Variants in UST observed in about 807,000 individuals in gnomAD.
The protein encoded by UST is uronyl 2-sulfotransferase.
UST carries 21 observed loss-of-function variants against 45.6 expected under a neutral mutation model. The observed-to-expected ratio is 0.46, with a 90% CI of 0.33 to 0.66. The LOEUF (loss-of-function observed/expected upper bound fraction) is 0.66. Among genes scored for constraint, UST ranks in the 30% least tolerant of loss-of-function variants. UST has a pLI of 0.02. For missense variants in UST, 463 were observed against 512.4 expected (o/e 0.90, Z 0.93); for synonymous variants, 215 against 200.6 (o/e 1.07, Z -0.61).
Position 149,074,191 on chromosome 6 carries a change from G to A in UST, c.*75G>A. On this transcript the variant is annotated 3_prime_UTR_variant, in exon 8 of 8. Coordinates refer to ENST00000367463, the MANE Select transcript of UST (RefSeq NM_005715.3). Reference sequence around the variant, plus strand: ...TTGTTTGGGGAAGTAAAATCCTTAAGGGACTAAATTAATGCTTGGGTGCAT... The same window carrying A: ...TTGTTTGGGGAAGTAAAATCCTTAAAGGACTAAATTAATGCTTGGGTGCAT... The A allele has an allele frequency of 2.0e-6, 3 of 1,505,668 alleles. No homozygotes were observed. Among genetic ancestry groups the A allele is most frequent in the Middle Eastern group, 1.8e-4 (1 of 5,466 alleles). The allele number at this position is 1,505,668 out of a possible 1,614,324, so 93.3% of individuals were successfully genotyped here. A position where few individuals can be genotyped will look rare whatever the true frequency, so the allele number is the denominator to read the frequency against.
chr6:149,049,844 G>C lies in UST; in HGVS notation c.938-23989G>C, dbSNP rs73002448. On this transcript the variant is annotated intron_variant, in intron 7 of 7. Transcript: ENST00000367463. ...GATATCTAACCTCTTTTTGGCAACTGTCCTTTGGATTTCATCAGTTCACCT... is the reference window on the plus strand; with the variant it reads ...GATATCTAACCTCTTTTTGGCAACTCTCCTTTGGATTTCATCAGTTCACCT... Among the ~76,000 whole-genome samples, 882 of 151,634 alleles carry C rather than the reference G, an allele frequency of 5.8e-3. 8 individuals are homozygous for C. The highest frequency in any genetic ancestry group is 0.013 in the Admixed American group (196 of 15,206).
chr6:148,916,356 A>G (rs867997889), intron 2 of UST, among the ~76,000 whole-genome samples: 10 of 152,214 alleles, frequency 6.6e-5, no homozygotes, highest in Non-Finnish European at 1.2e-4. Context: ...ACCGTAACAC[A>G]TATCCTCCCG....
chr6:149,020,467 G>T (rs920316909), intron 6 of UST, among the ~76,000 whole-genome samples: 1 of 152,128 alleles, frequency 6.6e-6, no homozygotes, highest in African/African-American at 2.4e-5. Context: ...TTTTTAAATC[G>T]TGTAGTATTT....
rs537393766 is a variant in UST, at chr6:149,051,247, C to T, written c.938-22586C>T. On this transcript the variant is annotated intron_variant, in intron 7 of 7. Coordinates refer to ENST00000367463, the MANE Select transcript of UST (RefSeq NM_005715.3). ...TGCGATCTCAATTTCACAGCCATAT[C>T]GATGGAGAAACATCTGTGCTCAAGA... 2.8e-4 allele frequency among the ~76,000 whole-genome samples: 43 copies of T among 152,294 alleles called. 1 individual carries two copies. The South Asian group carries it at 7.7e-3, about 27-fold the overall frequency.
At chr6:148,961,936 C>G (rs1055660953) in intron 4 of UST, among the ~76,000 whole-genome samples, 8 of 152,272 alleles carry the variant, frequency 5.3e-5, no homozygotes, top group Non-Finnish European at 7.4e-5. Context: ...GTGCTATGCT[C>G]TGGTCCCTGA....
intron 1 of UST, among the ~76,000 whole-genome samples, chr6:148,803,916 C>G (rs571503115): frequency 6.6e-6 from 1 of 152,290 alleles, no homozygotes; most frequent in East Asian, 1.9e-4. Flanking sequence ...GAGAGTCTTC[C>G]CTGAGTTGCC....
intron 5 of UST, among the ~76,000 whole-genome samples, chr6:148,978,845 T>TA (rs1781074989): frequency 2.7e-5 from 4 of 150,828 alleles, no homozygotes; most frequent in East Asian, 2.0e-4. Flanking sequence ...AAAAATTTTT[T>TA]TAAAAAAAAA....
intron 7 of UST, among the ~76,000 whole-genome samples, chr6:149,058,345 A>ATGTGTGTG (rs56994081): frequency 5.1e-4 from 61 of 119,812 alleles, no homozygotes; most frequent in African/African-American, 1.6e-3. Flanking sequence ...AAGGAGGAGC[A>ATGTGTGTG]TGTGTGTGTG....
At position 148,856,008 on chromosome 6, in the gene UST, G is replaced by A. The variant is rs187098302; in HGVS notation, c.248-30978G>A. On this transcript the variant is annotated intron_variant, in intron 1 of 7. Coordinates refer to ENST00000367463, the MANE Select transcript of UST (RefSeq NM_005715.3). Reference sequence around the variant, plus strand: ...AAATTGCTTACAGCTGAAAAATATGGGGTTTTGTTTTGTTTTGTTTCGTTT... The same window carrying A: ...AAATTGCTTACAGCTGAAAAATATGAGGTTTTGTTTTGTTTTGTTTCGTTT... 1.3e-4 allele frequency among the ~76,000 whole-genome samples: 18 copies of A among 138,116 alleles called. No homozygotes were observed. In the Admixed American group the frequency reaches 1.3e-3, roughly 10 times the overall value. 90.6% of individuals were successfully genotyped at this position (138,116 alleles called of 152,430 possible).
At position 148,943,482 on chromosome 6, in the gene UST, T is replaced by C. The variant is rs545177865; in HGVS notation, c.447+2048T>C. Among the ~76,000 whole-genome samples, 5 of 152,328 alleles carry C rather than the reference T, an allele frequency of 3.3e-5. No homozygotes were observed. The East Asian group carries it at 5.8e-4, about 18-fold the overall frequency. On this transcript the variant is annotated intron_variant, in intron 3 of 7. Coordinates refer to ENST00000367463, the MANE Select transcript of UST (RefSeq NM_005715.3). Reference sequence around the variant, plus strand: ...AAAAAGTAAAATACACTTGTAACTATGAATGGAATAATTTAGAATAAAAAT... The same window carrying C: ...AAAAAGTAAAATACACTTGTAACTACGAATGGAATAATTTAGAATAAAAAT...
At chr6:148,752,609 A>C (rs1776010709) in intron 1 of UST, among the ~76,000 whole-genome samples, 1 of 152,230 alleles carries the variant, frequency 6.6e-6, no homozygotes, top group South Asian at 2.1e-4. Context: ...ACACATATAA[A>C]TGTGGATTAT....
chr6:148,943,100 C>T (rs1780161685), intron 3 of UST, among the ~76,000 whole-genome samples: 1 of 152,146 alleles, frequency 6.6e-6, no homozygotes, highest in Admixed American at 6.5e-5. Context: ...GCCTTTTTAA[C>T]TGCCTGAAAG....
intron 1 of UST, among the ~76,000 whole-genome samples, chr6:148,869,715 A>G (rs991158658): frequency 6.6e-6 from 1 of 152,216 alleles, no homozygotes; most frequent in East Asian, 1.9e-4. Flanking sequence ...GTTCACATGC[A>G]TGTCATTTTA....
intron 2 of UST, among the ~76,000 whole-genome samples, chr6:148,916,100 G>A (rs1481309034): frequency 6.6e-6 from 1 of 152,180 alleles, no homozygotes; most frequent in Non-Finnish European, 1.5e-5. Context: ...GTTTGTTTTG[G>A]CAGGAAATTT....
At chr6:149,062,739 T>C (rs1776671658) in intron 7 of UST, among the ~76,000 whole-genome samples, 2 of 152,238 alleles carry the variant, frequency 1.3e-5, no homozygotes, top group South Asian at 2.1e-4. Flanking sequence ...AAAGCCCACT[T>C]TCCAGTGCTT....
intron 5 of UST, among the ~76,000 whole-genome samples, chr6:148,968,013 C>T (rs1032704249): frequency 2.6e-5 from 4 of 152,210 alleles, no homozygotes; most frequent in Admixed American, 2.6e-4. Context: ...TCTCATTTTA[C>T]AGGTGTGGGA....
intron 2 of UST, among the ~76,000 whole-genome samples, chr6:148,887,473 G>C (rs892123913): frequency 6.6e-6 from 1 of 152,242 alleles, no homozygotes; most frequent in African/African-American, 2.4e-5. Context: ...ACCACCTCAA[G>C]GCTGCCCTGG....
intron 1 of UST, among the ~76,000 whole-genome samples, chr6:148,764,952 T>C (rs1196372201): frequency 6.6e-6 from 1 of 152,190 alleles, no homozygotes; most frequent in Non-Finnish European, 1.5e-5. Flanking sequence ...TATATCTGCA[T>C]AAGGCAGACA....
intron 1 of UST, among the ~76,000 whole-genome samples, chr6:148,826,742 C>T (rs1777575000): frequency 6.6e-6 from 1 of 152,152 alleles, no homozygotes; most frequent in Non-Finnish European, 1.5e-5. Context: ...GGGCTGCTTT[C>T]CTTTCTGGAA....
Sources: gnomAD v4.1 joint callset for allele counts (sites outside exome capture counted in the v4.1 genomes callset) on GRCh38, gnomAD v4.1.1 for gene constraint, MANE v1.5 for transcripts, NCBI Gene and HGNC (gene_info 2026-07-23, HGNC 2026-07-21) for gene names.